The following FSTL5 variants were observed in gnomAD, a reference collection of about 807,000 sequenced individuals.
FSTL5 encodes the protein follistatin-related protein 5.
FSTL5 carries 62 observed loss-of-function variants against 89.1 expected under a neutral mutation model. The observed-to-expected ratio is 0.70, with a 90% confidence interval of 0.57 to 0.86. The LOEUF is 0.86. FSTL5 is among the 40% of genes least tolerant of loss of function. The probability of loss-of-function intolerance (pLI) is 0.00; values close to 1 mark genes in which losing one functional copy is unlikely to be tolerated. For synonymous variants in FSTL5, 383 were observed against 346.2 expected (o/e 1.11, Z -1.18); for missense variants, 1,057 against 1,001.6 (o/e 1.06, Z -0.75).
intron 3 of FSTL5, among the ~76,000 whole-genome samples, chr4:161,941,769 A>C (rs1439700690): frequency 6.6e-6 from 1 of 151,920 alleles, no homozygotes; most frequent in Non-Finnish European, 1.5e-5. Flanking sequence ...AGAACTTTTC[A>C]AACACTACAA....
chr4:161,723,165 C>G (rs955612073), intron 6 of FSTL5, among the ~76,000 whole-genome samples: 2 of 152,088 alleles, frequency 1.3e-5, no homozygotes, highest in African/African-American at 4.8e-5. Context: ...GTATGGATAT[C>G]TATAAAGAGT....
intron 15 of FSTL5, among the ~76,000 whole-genome samples, chr4:161,422,500 A>G (rs1163742475): frequency 6.6e-6 from 1 of 152,202 alleles, no homozygotes; most frequent in African/African-American, 2.4e-5. Context: ...AATATCTCGG[A>G]AACTAGGAAG....
chr4:161,936,564 T>C lies in FSTL5; in HGVS notation c.161-15912A>G, dbSNP rs1429867739. ...GGTTGGTAAAGCTGCAAACCTTATT[T>C]ATACACAGTTTCCTCAGATAAATTA... On this transcript the variant is annotated intron_variant, in intron 3 of 15. Coordinates refer to ENST00000306100, the MANE Select transcript of FSTL5 (RefSeq NM_020116.5). Among the ~76,000 whole-genome samples the C allele has an allele frequency of 2.6e-5, 4 of 152,092 alleles. No individual in the cohort carries two copies. In the East Asian group the frequency reaches 5.8e-4, roughly 22 times the overall value.
intron 10 of FSTL5, among the ~76,000 whole-genome samples, chr4:161,516,967 C>T (rs1021227519): frequency 6.6e-6 from 1 of 152,044 alleles, no homozygotes; most frequent in Non-Finnish European, 1.5e-5. Flanking sequence ...GATCTCTGCT[C>T]AACACAACCT....
chr4:161,465,911 T>G (rs1024677353), intron 13 of FSTL5, among the ~76,000 whole-genome samples: 1 of 152,192 alleles, frequency 6.6e-6, no homozygotes, highest in African/African-American at 2.4e-5. Flanking sequence ...TTAAACACTT[T>G]CAAAAAAGTT....
chr4:162,141,448 T>G (rs570149272), intron 1 of FSTL5, among the ~76,000 whole-genome samples: 1 of 152,100 alleles, frequency 6.6e-6, no homozygotes, highest in Admixed American at 6.6e-5. Flanking sequence ...TTTTGCTATG[T>G]GATACATCTG....
At chr4:161,994,602 C>T (rs1047197703) in intron 3 of FSTL5, among the ~76,000 whole-genome samples, 9 of 152,240 alleles carry the variant, frequency 5.9e-5, no homozygotes, top group South Asian at 2.1e-4. Flanking sequence ...CATCTCACTG[C>T]GGTTTCGTTT....
intron 7 of FSTL5, among the ~76,000 whole-genome samples, chr4:161,621,334 C>A (rs1439712451): frequency 6.7e-6 from 1 of 149,622 alleles, no homozygotes; most frequent in African/African-American, 2.5e-5. Flanking sequence ...AAGAAGAAAT[C>A]AATTACAAGT....
chr4:161,599,112 G>A (rs1049185885), intron 7 of FSTL5, among the ~76,000 whole-genome samples: 1 of 151,848 alleles, frequency 6.6e-6, no homozygotes, highest in African/African-American at 2.4e-5. Flanking sequence ...AAAAACAAAA[G>A]ACTAACAATT....
At chr4:161,490,007 T>C (rs553526739) in intron 12 of FSTL5, among the ~76,000 whole-genome samples, 1 of 152,242 alleles carries the variant, frequency 6.6e-6, no homozygotes, top group East Asian at 1.9e-4. Flanking sequence ...AAAATCTGCA[T>C]TATATTTGCT....
chr4:161,947,720 T>C (rs1021599150), intron 3 of FSTL5, among the ~76,000 whole-genome samples: 6 of 152,104 alleles, frequency 3.9e-5, no homozygotes, highest in Non-Finnish European at 8.8e-5. Context: ...TCTGTTGAAT[T>C]TCCACGTTTT....
chr4:161,493,782 C>T (rs1477834183), intron 12 of FSTL5, among the ~76,000 whole-genome samples: 2 of 151,960 alleles, frequency 1.3e-5, no homozygotes, highest in Non-Finnish European at 2.9e-5. Flanking sequence ...AAAATGTTGT[C>T]GATGTATTAT....
intron 6 of FSTL5, among the ~76,000 whole-genome samples, chr4:161,691,878 A>G (rs1427886909): frequency 6.6e-6 from 1 of 151,956 alleles, no homozygotes; most frequent in East Asian, 1.9e-4. Flanking sequence ...TCCTGCATCT[A>G]TGCTGATTTT....
intron 4 of FSTL5, among the ~76,000 whole-genome samples, chr4:161,830,344 T>C (rs1023082032): frequency 6.6e-6 from 1 of 152,054 alleles, no homozygotes; most frequent in Admixed American, 6.6e-5. Flanking sequence ...ATGTGGATAG[T>C]AAGGATTAAC....
At chr4:162,016,311 T>C (rs552344281) in intron 3 of FSTL5, among the ~76,000 whole-genome samples, 1 of 152,130 alleles carries the variant, frequency 6.6e-6, no homozygotes, top group Non-Finnish European at 1.5e-5. Flanking sequence ...ACTTGCTTGA[T>C]AAAAATAGAC....
intron 3 of FSTL5, among the ~76,000 whole-genome samples, chr4:162,007,329 T>G (rs1478782313): frequency 6.6e-6 from 1 of 151,828 alleles, no homozygotes; most frequent in Non-Finnish European, 1.5e-5. Flanking sequence ...TGAGTTGTAA[T>G]TAACATTCTA....
intron 12 of FSTL5, among the ~76,000 whole-genome samples, chr4:161,483,481 C>T (rs1009895166): frequency 6.6e-6 from 1 of 152,208 alleles, no homozygotes; most frequent in Non-Finnish European, 1.5e-5. Context: ...ATAAACTGCT[C>T]TGCTGGAAAT....
chr4:161,755,608 T>G (rs530682582), intron 6 of FSTL5, among the ~76,000 whole-genome samples: 1 of 152,164 alleles, frequency 6.6e-6, no homozygotes, highest in African/African-American at 2.4e-5. Flanking sequence ...GAGCTTCTTT[T>G]TATAAAGTAT....
intron 6 of FSTL5, among the ~76,000 whole-genome samples, chr4:161,658,094 A>G (rs546151610): frequency 6.6e-6 from 1 of 152,268 alleles, no homozygotes; most frequent in East Asian, 1.9e-4. Context: ...CATCTTGTCC[A>G]TTTCTTTGTG....
Sources: allele counts gnomAD v4.1 joint callset (sites outside exome capture counted in the v4.1 genomes callset), GRCh38; gene constraint gnomAD v4.1.1; transcripts MANE v1.5; gene names NCBI Gene and HGNC (gene_info 2026-07-23, HGNC 2026-07-21).